SNX29: variants seen among roughly 807,000 people sequenced by gnomAD.
The protein encoded by SNX29 is sorting nexin-29.
In SNX29, 78 loss-of-function variants were observed where a neutral mutation model predicts 102.1. The ratio of observed to expected loss-of-function variants is 0.76; its 90% CI spans 0.64 to 0.92. The LOEUF is 0.92. SNX29 is among the 40% of genes least tolerant of loss of function. SNX29 has a pLI of 0.00. For synonymous variants in SNX29, 580 were observed against 414.5 expected (o/e 1.40, Z -4.85); for missense variants, 1,280 against 1,061.7 (o/e 1.21, Z -2.86).
intron 18 of SNX29, among the ~76,000 whole-genome samples, chr16:12,423,440 A>G (rs984513905): frequency 1.3e-5 from 2 of 152,182 alleles, no homozygotes; most frequent in Non-Finnish European, 2.9e-5. Context: ...CCTCCCCTCC[A>G]GCTCAGGGCT....
chr16:12,149,779 A>C (rs934332084), intron 13 of SNX29, among the ~76,000 whole-genome samples: 2 of 152,322 alleles, frequency 1.3e-5, no homozygotes, highest in African/African-American at 4.8e-5. Flanking sequence ...GAAGCTAATA[A>C]ATGAAGGCAG....
intron 18 of SNX29, among the ~76,000 whole-genome samples, chr16:12,407,716 T>C (rs1380725588): frequency 6.6e-6 from 1 of 152,186 alleles, no homozygotes; most frequent in African/African-American, 2.4e-5. Flanking sequence ...CAGAGAAGCA[T>C]CTCATTTACT....
At chr16:12,530,610 C>T (rs999104774) in intron 20 of SNX29, among the ~76,000 whole-genome samples, 6 of 151,598 alleles carry the variant, frequency 4.0e-5, no homozygotes, top group Admixed American at 1.3e-4. Flanking sequence ...GGCTAGAGTG[C>T]AGTGGCGCAA....
chr16:12,205,437 A>G (rs2077020806), intron 14 of SNX29, among the ~76,000 whole-genome samples: 1 of 152,162 alleles, frequency 6.6e-6, no homozygotes. Flanking sequence ...GATGGCCTTC[A>G]GTGCTTGTGA....
At chr16:12,427,454 T>G (rs1178799008) in intron 18 of SNX29, among the ~76,000 whole-genome samples, 2 of 152,232 alleles carry the variant, frequency 1.3e-5, no homozygotes, top group African/African-American at 4.8e-5. Context: ...TTTTTTTTAT[T>G]TATCTGTATT....
intron 16 of SNX29, among the ~76,000 whole-genome samples, chr16:12,370,217 A>G (rs1356369206): frequency 6.6e-6 from 1 of 152,112 alleles, no homozygotes; most frequent in East Asian, 1.9e-4. Context: ...GCAAGACTCC[A>G]TCTCAGAAAC....
At chr16:12,461,194 C>T (rs2086762663) in intron 18 of SNX29, among the ~76,000 whole-genome samples, 1 of 152,126 alleles carries the variant, frequency 6.6e-6, no homozygotes, top group Non-Finnish European at 1.5e-5. Context: ...TTATTGTGTC[C>T]ATAACCACTG....
intron 20 of SNX29, among the ~76,000 whole-genome samples, chr16:12,543,577 G>A (rs966092487): frequency 2.6e-5 from 4 of 152,204 alleles, no homozygotes; most frequent in South Asian, 2.1e-4. Flanking sequence ...TCACGCTTCC[G>A]TGGTGCGTCC....
chr16:12,543,850 A>G (rs1455591289), intron 20 of SNX29, among the ~76,000 whole-genome samples: 1 of 152,226 alleles, frequency 6.6e-6, no homozygotes, highest in East Asian at 1.9e-4. Flanking sequence ...GAGAGAAGCC[A>G]GTGGTGGAAC....
chr16:12,251,319 C>G (rs2078414555), intron 14 of SNX29, among the ~76,000 whole-genome samples: 1 of 152,136 alleles, frequency 6.6e-6, no homozygotes, highest in Admixed American at 6.5e-5. Context: ...AATGTCATCG[C>G]CATTATGTTC....
intron 16 of SNX29, among the ~76,000 whole-genome samples, chr16:12,360,730 T>G (rs541831355): frequency 6.6e-6 from 1 of 152,062 alleles, no homozygotes; most frequent in Non-Finnish European, 1.5e-5. Context: ...TCCAAGACTT[T>G]GTACATGTTT....
intron 15 of SNX29, among the ~76,000 whole-genome samples, chr16:12,317,535 G>A (rs914395989): frequency 1.3e-5 from 2 of 152,128 alleles, no homozygotes; most frequent in African/African-American, 2.4e-5. Flanking sequence ...GGATGGGAAC[G>A]TGCTGCTTGT....
At chr16:11,999,487 A>C in intron 2 of SNX29, 129 bp downstream of exon 2, 1 of 902,006 alleles carries the variant, frequency 1.1e-6, no homozygotes, top group South Asian at 1.7e-5. Flanking sequence ...GAAGTGATCT[A>C]CTCATTTTTC....
intron 20 of SNX29, among the ~76,000 whole-genome samples, chr16:12,539,945 C>G (rs975325779): frequency 1.2e-4 from 19 of 152,180 alleles, no homozygotes; most frequent in African/African-American, 4.3e-4. Flanking sequence ...AGATGCAAGA[C>G]CTTTGTCGAA....
intron 18 of SNX29, among the ~76,000 whole-genome samples, chr16:12,442,573 G>C (rs1462213477): frequency 6.6e-6 from 1 of 151,760 alleles, no homozygotes; most frequent in African/African-American, 2.4e-5. Flanking sequence ...GAATGGATGT[G>C]ACTGTGTGTT....
At chr16:12,476,988 G>A (rs2087684595) in intron 18 of SNX29, among the ~76,000 whole-genome samples, 1 of 152,098 alleles carries the variant, frequency 6.6e-6, no homozygotes, top group Admixed American at 6.6e-5. Flanking sequence ...TTTAAAAAGT[G>A]GATTGATGTC....
intron 18 of SNX29, among the ~76,000 whole-genome samples, chr16:12,421,779 T>C (rs1383075489): frequency 6.6e-6 from 1 of 151,980 alleles, no homozygotes; most frequent in African/African-American, 2.4e-5. Flanking sequence ...TTACCAGTTA[T>C]CATCATCATC....
chr16:12,559,263 T>TGTC, intron 20 of SNX29, among the ~76,000 whole-genome samples: 1 of 152,224 alleles, frequency 6.6e-6, no homozygotes, highest in South Asian at 2.1e-4. Context: ...GAGCTCTGCC[T>TGTC]GTCAGATCAG....
intron 15 of SNX29, among the ~76,000 whole-genome samples, chr16:12,341,820 A>T (rs1165745643): frequency 1.3e-5 from 2 of 152,212 alleles, no homozygotes; most frequent in East Asian, 3.9e-4. Flanking sequence ...CTTGGGGAGC[A>T]GGTAGGGTGC....
Sources: allele counts gnomAD v4.1 joint callset (sites outside exome capture counted in the v4.1 genomes callset), GRCh38; gene constraint gnomAD v4.1.1; transcripts MANE v1.5; gene names NCBI Gene and HGNC (gene_info 2026-07-23, HGNC 2026-07-21).